PRR16: variants seen among roughly 807,000 people sequenced by gnomAD.
PRR16 encodes the protein protein Largen.
PRR16 carries 6 observed loss-of-function variants against 18.2 expected under a neutral mutation model. The observed-to-expected ratio is 0.33, with a 90% confidence interval of 0.18 to 0.65. PRR16 has a LOEUF of 0.65. Among genes scored for constraint, PRR16 ranks in the 30% least tolerant of loss-of-function variants. The probability of loss-of-function intolerance (pLI) is 0.74; values close to 1 mark genes in which losing one functional copy is unlikely to be tolerated. For missense variants in PRR16, 412 were observed against 376.6 expected (o/e 1.09, Z -0.78); for synonymous variants, 151 against 147.8 (o/e 1.02, Z -0.16).
At chr5:120,532,990 C>T (rs1054002421) in intron 1 of PRR16, among the ~76,000 whole-genome samples, 6 of 152,136 alleles carry the variant, frequency 3.9e-5, no homozygotes, top group Admixed American at 1.3e-4. Flanking sequence ...GTAGTTTCCC[C>T]GAAGTCACAG....
At chr5:120,471,190 T>G (rs1019048883) in intron 1 of PRR16, among the ~76,000 whole-genome samples, 1 of 152,160 alleles carries the variant, frequency 6.6e-6, no homozygotes, top group Admixed American at 6.6e-5. Flanking sequence ...AATTAGACCT[T>G]GCAATTTAAA....
At chr5:120,646,596 A>G (rs1296743491) in intron 1 of PRR16, among the ~76,000 whole-genome samples, 1 of 152,018 alleles carries the variant, frequency 6.6e-6, no homozygotes, top group Non-Finnish European at 1.5e-5. Flanking sequence ...TTAATATTTC[A>G]GAGTTGGATG....
chr5:120,499,286 T>C (rs1181288649), intron 1 of PRR16, among the ~76,000 whole-genome samples: 2 of 151,996 alleles, frequency 1.3e-5, no homozygotes, highest in Non-Finnish European at 2.9e-5. Flanking sequence ...ATTTTTTGTA[T>C]TTTTAGTAGA....
At chr5:120,582,228 T>C (rs968696658) in intron 1 of PRR16, among the ~76,000 whole-genome samples, 3 of 152,136 alleles carry the variant, frequency 2.0e-5, no homozygotes, top group Non-Finnish European at 4.4e-5. Context: ...CTGCATGTTC[T>C]TACTTATAAG....
At chr5:120,550,162 GA>G (rs1160125865) in intron 1 of PRR16, among the ~76,000 whole-genome samples, 1 of 152,038 alleles carries the variant, frequency 6.6e-6, no homozygotes, top group Non-Finnish European at 1.5e-5. Flanking sequence ...ATTATTACTA[GA>G]AAAGCATCTT....
chr5:120,777,477 C>T, the PRR16 span, among the ~76,000 whole-genome samples: 1 of 152,138 alleles, frequency 6.6e-6, no homozygotes, highest in African/African-American at 2.4e-5. Flanking sequence ...TTGAATTTCA[C>T]GTGAATAAGT....
intron 1 of PRR16, among the ~76,000 whole-genome samples, chr5:120,592,486 T>C (rs1753668757): frequency 6.6e-6 from 1 of 152,168 alleles, no homozygotes; most frequent in South Asian, 2.1e-4. Context: ...AGTGAATTCA[T>C]GGTAAATAAG....
the PRR16 span, among the ~76,000 whole-genome samples, chr5:120,698,479 G>A: frequency 6.9e-6 from 1 of 145,174 alleles, no homozygotes; most frequent in Non-Finnish European, 1.5e-5. Flanking sequence ...GATAGCACCA[G>A]GAGATATCAG....
intron 1 of PRR16, among the ~76,000 whole-genome samples, chr5:120,671,823 T>C (rs1183129213): frequency 6.6e-6 from 1 of 152,118 alleles, no homozygotes; most frequent in African/African-American, 2.4e-5. Context: ...CATATATATG[T>C]ATGAAAAAGA....
At chr5:120,573,509 A>G (rs765072596) in intron 1 of PRR16, among the ~76,000 whole-genome samples, 1 of 151,494 alleles carries the variant, frequency 6.6e-6, no homozygotes, top group African/African-American at 2.4e-5. Flanking sequence ...TATTGTGGCA[A>G]TGCTGCAGCT....
intron 1 of PRR16, among the ~76,000 whole-genome samples, chr5:120,564,878 C>T (rs1233894840): frequency 3.3e-5 from 5 of 150,846 alleles, no homozygotes; most frequent in Non-Finnish European, 5.9e-5. Flanking sequence ...CCCAGCTACT[C>T]GGGAGGCTGA....
At chr5:120,701,855 T>C in the PRR16 span, among the ~76,000 whole-genome samples, 7 of 152,132 alleles carry the variant, frequency 4.6e-5, no homozygotes, top group Non-Finnish European at 1.0e-4. Context: ...GCCTATTTCA[T>C]GACAAGAATT....
intron 1 of PRR16, among the ~76,000 whole-genome samples, chr5:120,613,598 C>A (rs1182822160): frequency 6.6e-6 from 1 of 151,982 alleles, no homozygotes; most frequent in Admixed American, 6.6e-5. Flanking sequence ...CATATATGAT[C>A]TATTATATAA....
At chr5:120,768,325 C>T in the PRR16 span, among the ~76,000 whole-genome samples, 8 of 151,630 alleles carry the variant, frequency 5.3e-5, no homozygotes, top group Admixed American at 2.0e-4. Flanking sequence ...GTAATTTATT[C>T]GTTATTTTCT....
intron 1 of PRR16, among the ~76,000 whole-genome samples, chr5:120,560,435 C>T (rs1752540749): frequency 6.6e-6 from 1 of 151,772 alleles, no homozygotes; most frequent in Non-Finnish European, 1.5e-5. Flanking sequence ...TGATGTATCA[C>T]ACTGATTGAT....
intron 1 of PRR16, among the ~76,000 whole-genome samples, chr5:120,608,749 G>T (rs1471630202): frequency 1.3e-5 from 2 of 152,094 alleles, no homozygotes; most frequent in African/African-American, 2.4e-5. Context: ...CCCCTAGACG[G>T]TGTTTCATCT....
intron 1 of PRR16, among the ~76,000 whole-genome samples, chr5:120,543,082 C>T (rs913143047): frequency 2.6e-5 from 4 of 152,094 alleles, no homozygotes; most frequent in African/African-American, 9.7e-5. Flanking sequence ...TATGGCATGA[C>T]TTGTTTTTAT....
intron 1 of PRR16, among the ~76,000 whole-genome samples, chr5:120,520,064 G>T (rs938462814): frequency 6.6e-6 from 1 of 152,056 alleles, no homozygotes; most frequent in Non-Finnish European, 1.5e-5. Flanking sequence ...AGCACAATAG[G>T]TTTATTAAAG....
the PRR16 span, among the ~76,000 whole-genome samples, chr5:120,772,153 G>T: frequency 2.2e-4 from 33 of 152,064 alleles, no homozygotes; most frequent in Non-Finnish European, 3.5e-4. Flanking sequence ...ACAAGTAAAT[G>T]AATCTTTTCA....
Sources: allele counts gnomAD v4.1 joint callset (sites outside exome capture counted in the v4.1 genomes callset), GRCh38; gene constraint gnomAD v4.1.1; transcripts MANE v1.5; gene names NCBI Gene and HGNC (gene_info 2026-07-23, HGNC 2026-07-21).